DNM3: variants seen among roughly 807,000 people sequenced by gnomAD.
DNM3 encodes the protein dynamin-3.
Under a neutral mutation model 101.6 loss-of-function variants are expected in DNM3, and 47 were observed. The observed-to-expected ratio is 0.46, with a 90% CI of 0.37 to 0.59. The LOEUF (loss-of-function observed/expected upper bound fraction) is 0.59, where lower values mean the gene tolerates loss of function less well. Among genes scored for constraint, DNM3 ranks in the 20% least tolerant of loss-of-function variants. DNM3 has a pLI of 0.00. For synonymous variants in DNM3, 385 were observed against 387.9 expected, an observed-to-expected ratio of 0.99 and a Z score of 0.09; for missense variants, 849 against 1,085.7, an observed-to-expected ratio of 0.78 and a Z score of 3.06.
At chr1:172,044,327 C>A in intron 8 of DNM3, 58 bp from the exon 9 acceptor site, 1 of 1,411,084 alleles carries the variant, frequency 7.1e-7, no homozygotes, top group South Asian at 1.3e-5. Flanking sequence ...CTGTAATGTT[C>A]AACAATATTA....
chr1:172,293,001 C>T (rs148960748), intron 15 of DNM3, among the ~76,000 whole-genome samples: 51 of 152,306 alleles, frequency 3.3e-4, no homozygotes, highest in African/African-American at 1.2e-3. Context: ...AAGCTGTCCT[C>T]CTCATGTAAT....
At chr1:171,983,742 G>A (rs1463272780) in intron 2 of DNM3, among the ~76,000 whole-genome samples, 1 of 152,116 alleles carries the variant, frequency 6.6e-6, no homozygotes. Context: ...GTACAAATTA[G>A]AAAAAGCTGC....
intron 1 of DNM3, among the ~76,000 whole-genome samples, chr1:171,853,772 A>T (rs2033258837): frequency 6.6e-6 from 1 of 152,034 alleles, no homozygotes; most frequent in Non-Finnish European, 1.5e-5. Flanking sequence ...TTATTCATCT[A>T]TTCCATGTAA....
At chr1:172,304,276 A>G (rs2064661044) in intron 15 of DNM3, among the ~76,000 whole-genome samples, 1 of 149,722 alleles carries the variant, frequency 6.7e-6, no homozygotes, top group African/African-American at 2.5e-5. Context: ...AACAAAGATC[A>G]AAAGAGACAA....
intron 2 of DNM3, among the ~76,000 whole-genome samples, chr1:171,968,696 G>A (rs545777574): frequency 1.4e-4 from 22 of 152,250 alleles, no homozygotes; most frequent in African/African-American, 5.1e-4. Context: ...AGTCCAAACC[G>A]ATGGCCTCCT....
chr1:172,227,224 C>G (rs1170605603), intron 14 of DNM3, among the ~76,000 whole-genome samples: 1 of 138,034 alleles, frequency 7.2e-6, no homozygotes, highest in Non-Finnish European at 1.5e-5. Context: ...CAAGTTGCTG[C>G]AAATAACATT....
At chr1:172,008,744 C>T (rs60406569) in intron 4 of DNM3, among the ~76,000 whole-genome samples, 13,544 of 143,102 alleles carry the variant, frequency 0.095, 940 homozygotes, top group African/African-American at 0.2. Flanking sequence ...TGTATGTTTA[C>T]GTATGTGTAT....
At chr1:171,852,317 C>G (rs1032152185) in intron 1 of DNM3, among the ~76,000 whole-genome samples, 7 of 152,172 alleles carry the variant, frequency 4.6e-5, no homozygotes, top group Non-Finnish European at 1.0e-4. Context: ...ATTTAATAAA[C>G]TTGTTTGTAA....
chr1:172,003,637 G>A (rs1008755296), intron 4 of DNM3, among the ~76,000 whole-genome samples: 3 of 151,510 alleles, frequency 2.0e-5, no homozygotes, highest in African/African-American at 7.3e-5. Flanking sequence ...TTGAATACAA[G>A]AAAAACTATT....
At chr1:172,390,491 A>G (rs1188494636) in intron 20 of DNM3, among the ~76,000 whole-genome samples, 1 of 152,106 alleles carries the variant, frequency 6.6e-6, no homozygotes, top group Non-Finnish European at 1.5e-5. Flanking sequence ...TGTGTATTGT[A>G]AGATGTTTAG....
At chr1:172,359,933 G>C (rs2067656831) in intron 17 of DNM3, among the ~76,000 whole-genome samples, 2 of 151,804 alleles carry the variant, frequency 1.3e-5, no homozygotes, top group African/African-American at 4.8e-5. Context: ...CATAACCTTT[G>C]CCCTATTTTC....
At chr1:171,984,152 C>G (rs1440895818) in intron 2 of DNM3, among the ~76,000 whole-genome samples, 1 of 152,186 alleles carries the variant, frequency 6.6e-6, no homozygotes, top group Non-Finnish European at 1.5e-5. Context: ...CCACCCTGGT[C>G]TAAGCCTCAG....
intron 20 of DNM3, among the ~76,000 whole-genome samples, chr1:172,405,718 C>G (rs2070834307): frequency 6.6e-6 from 1 of 151,940 alleles, no homozygotes; most frequent in African/African-American, 2.4e-5. Flanking sequence ...TCCCACCAGC[C>G]AACTGGTTAA....
At chr1:171,874,084 A>G (rs1279200616) in intron 1 of DNM3, among the ~76,000 whole-genome samples, 12 of 152,194 alleles carry the variant, frequency 7.9e-5, no homozygotes, top group Admixed American at 7.9e-4. Context: ...TTGAACATTT[A>G]TTGTAATGTG....
intron 2 of DNM3, among the ~76,000 whole-genome samples, chr1:171,928,919 G>A (rs1463512402): frequency 6.6e-6 from 1 of 152,238 alleles, no homozygotes; most frequent in Non-Finnish European, 1.5e-5. Context: ...GGTATCACCA[G>A]TGAAGGCTGC....
chr1:172,340,299 T>C (rs1335882240), intron 17 of DNM3, among the ~76,000 whole-genome samples: 1 of 152,206 alleles, frequency 6.6e-6, no homozygotes, highest in African/African-American at 2.4e-5. Context: ...CCTTGTATTA[T>C]AAATGTAGGT....
intron 1 of DNM3, among the ~76,000 whole-genome samples, chr1:171,891,159 C>CT (rs1033602554): frequency 6.6e-6 from 1 of 152,168 alleles, no homozygotes; most frequent in African/African-American, 2.4e-5. Context: ...CCAATACAGT[C>CT]TCCTATATAA....
At chr1:172,211,853 G>A (rs528147510) in intron 14 of DNM3, among the ~76,000 whole-genome samples, 2 of 152,204 alleles carry the variant, frequency 1.3e-5, no homozygotes, top group East Asian at 3.9e-4. Context: ...CAAGGAACAG[G>A]TGGAAATTGA....
chr1:172,121,902 T>G (rs1473528495), intron 13 of DNM3, among the ~76,000 whole-genome samples: 1 of 152,198 alleles, frequency 6.6e-6, no homozygotes, highest in Non-Finnish European at 1.5e-5. Flanking sequence ...GTCAATCCAG[T>G]CAGTTCCTTA....
Sources: allele counts gnomAD v4.1 joint callset (sites outside exome capture counted in the v4.1 genomes callset), GRCh38; gene constraint gnomAD v4.1.1; transcripts MANE v1.5; gene names NCBI Gene and HGNC (gene_info 2026-07-23, HGNC 2026-07-21).